TSPAN15: variants seen among roughly 807,000 people sequenced by gnomAD.
The protein encoded by TSPAN15 is tetraspanin 15, also known as tetraspanin-15.
Under a neutral mutation model 34.5 loss-of-function variants are expected in TSPAN15, and 20 were observed. The observed-to-expected ratio is 0.58, with a 90% CI of 0.41 to 0.84. The LOEUF is 0.84. Ranked by LOEUF, TSPAN15 falls within the 40% of genes least tolerant of loss-of-function variation. The pLI, the probability that TSPAN15 is intolerant of heterozygous loss-of-function variation, is 0.00. For synonymous variants in TSPAN15, 155 were observed against 153.9 expected, an observed-to-expected ratio of 1.01 and a Z score of -0.05; for missense variants, 313 against 386.1, an observed-to-expected ratio of 0.81 and a Z score of 1.59.
chr10:69,470,777 T>C (rs1232565491), intron 1 of TSPAN15, among the ~76,000 whole-genome samples: 1 of 152,176 alleles, frequency 6.6e-6, no homozygotes, highest in Non-Finnish European at 1.5e-5. Flanking sequence ...CTGCAAACTT[T>C]CAGTGCCTCC....
At chr10:69,539,490 GAAGAAGA>G in the TSPAN15 span, among the ~76,000 whole-genome samples, 1 of 60,746 alleles carries the variant, frequency 1.6e-5, no homozygotes, top group South Asian at 5.4e-4. Flanking sequence ...AGGAGAAGAA[GAAGAAGA>G]AGAAGAAGAA....
At chr10:69,459,559 A>G (rs549397214) in intron 1 of TSPAN15, among the ~76,000 whole-genome samples, 1 of 152,112 alleles carries the variant, frequency 6.6e-6, no homozygotes, top group South Asian at 2.1e-4. Context: ...AGAGAGAGCC[A>G]TGAGTTCAAA....
Position 69,451,544 on chromosome 10 carries a change from C to G in TSPAN15, c.-51C>G. 2 of 1,337,618 alleles carry G rather than the reference C, an allele frequency of 1.5e-6. No individual in the cohort carries two copies. The highest frequency in any genetic ancestry group is 9.6e-7 in the Non-Finnish European group (1 of 1,042,352). The allele number at this position is 1,337,618 out of a possible 1,614,324, so 82.9% of individuals were successfully genotyped here. A position where few individuals can be genotyped will look rare whatever the true frequency, so the allele number is the denominator to read the frequency against. On this transcript the variant is annotated 5_prime_UTR_variant, in exon 1 of 8. Coordinates refer to ENST00000373290, the MANE Select transcript of TSPAN15 (RefSeq NM_012339.5). ...GGGGCCACGAGCGCTGGCTGAGGGA[C>G]CGAGCCGGAGAGCCCCGGAGCCCCC...
the TSPAN15 span, among the ~76,000 whole-genome samples, chr10:69,546,315 T>G: frequency 0.024 from 3,620 of 152,282 alleles, 143 homozygotes; most frequent in African/African-American, 0.083. Flanking sequence ...TTGGCAGTGT[T>G]GACCCTACCC....
chr10:69,477,832 A>C (rs1841648834), intron 1 of TSPAN15, among the ~76,000 whole-genome samples: 1 of 152,112 alleles, frequency 6.6e-6, no homozygotes, highest in Admixed American at 6.5e-5. Context: ...TGTGCTGCTT[A>C]GTCTCTTTGA....
the TSPAN15 span, among the ~76,000 whole-genome samples, chr10:69,549,231 G>A: frequency 7.9e-3 from 1,210 of 152,260 alleles, 16 homozygotes; most frequent in African/African-American, 0.027. Flanking sequence ...GTTCTGGGAA[G>A]GCCTGTAAGA....
chr10:69,528,215 G>A, the TSPAN15 span, among the ~76,000 whole-genome samples: 35 of 148,450 alleles, frequency 2.4e-4, 2 homozygotes, highest in Non-Finnish European at 3.7e-4. Flanking sequence ...TTTCTGTGAC[G>A]CTGTGGCTGG....
the TSPAN15 span, among the ~76,000 whole-genome samples, chr10:69,545,063 G>GC: frequency 6.6e-6 from 1 of 152,176 alleles, no homozygotes; most frequent in Non-Finnish European, 1.5e-5. Context: ...CTTCCTCAAT[G>GC]CCCTCTCCAA....
At chr10:69,468,404 T>TG (rs1841435099) in intron 1 of TSPAN15, among the ~76,000 whole-genome samples, 1 of 152,008 alleles carries the variant, frequency 6.6e-6, no homozygotes, top group Non-Finnish European at 1.5e-5. Flanking sequence ...TGGGGTAGGC[T>TG]GGGGTAGGGC....
At chr10:69,478,873 A>G (rs1841671983) in intron 1 of TSPAN15, among the ~76,000 whole-genome samples, 1 of 152,250 alleles carries the variant, frequency 6.6e-6, no homozygotes, top group Admixed American at 6.5e-5. Flanking sequence ...ACATTTTAAG[A>G]TATTCAGAAT....
the TSPAN15 span, among the ~76,000 whole-genome samples, chr10:69,541,470 A>C: frequency 6.6e-6 from 1 of 152,226 alleles, no homozygotes; most frequent in Non-Finnish European, 1.5e-5. Flanking sequence ...CCGAAATCCC[A>C]TAGACTTGGG....
intron 1 of TSPAN15, among the ~76,000 whole-genome samples, chr10:69,457,309 G>T (rs59145567): frequency 0.09 from 13,680 of 152,248 alleles, 689 homozygotes; most frequent in Non-Finnish European, 0.12. Flanking sequence ...TACCTACAAG[G>T]CGAGGATCCA....
At chr10:69,497,313 C>T (rs943076079) in intron 4 of TSPAN15, among the ~76,000 whole-genome samples, 1 of 152,218 alleles carries the variant, frequency 6.6e-6, no homozygotes, top group Non-Finnish European at 1.5e-5. Context: ...CTCCCTGCTT[C>T]AGCTGGCTGG....
At chr10:69,547,794 C>T in the TSPAN15 span, among the ~76,000 whole-genome samples, 5 of 152,182 alleles carry the variant, frequency 3.3e-5, no homozygotes, top group South Asian at 2.1e-4. Context: ...CCTCCTCAGG[C>T]CTTCTACCCT....
At chr10:69,457,186 A>G (rs1841130508) in intron 1 of TSPAN15, among the ~76,000 whole-genome samples, 1 of 152,186 alleles carries the variant, frequency 6.6e-6, no homozygotes, top group Admixed American at 6.5e-5. Context: ...GGGCTCCCAG[A>G]GGTCAGGATT....
intron 1 of TSPAN15, among the ~76,000 whole-genome samples, chr10:69,472,258 C>T (rs1282602699): frequency 6.6e-6 from 1 of 152,192 alleles, no homozygotes; most frequent in African/African-American, 2.4e-5. Flanking sequence ...GTGGTACCTT[C>T]ATGGGCATCT....
chr10:69,512,195 G>C (rs1428833489), downstream of TSPAN15, among the ~76,000 whole-genome samples: 1 of 152,168 alleles, frequency 6.6e-6, no homozygotes, highest in Admixed American at 6.5e-5. Flanking sequence ...GCCAATGAAT[G>C]ACATTATCTT....
At chr10:69,516,531 T>G in the TSPAN15 span, among the ~76,000 whole-genome samples, 1 of 152,120 alleles carries the variant, frequency 6.6e-6, no homozygotes, top group Non-Finnish European at 1.5e-5. Flanking sequence ...GATGCCAGAA[T>G]GAGAAGTGGG....
chr10:69,518,330 G>A, the TSPAN15 span, among the ~76,000 whole-genome samples: 3 of 152,210 alleles, frequency 2.0e-5, no homozygotes, highest in East Asian at 1.9e-4. Context: ...TGTCTCACCC[G>A]AGTGCCTGCC....
Sources: allele counts gnomAD v4.1 joint callset (sites outside exome capture counted in the v4.1 genomes callset), GRCh38; gene constraint gnomAD v4.1.1; transcripts MANE v1.5; gene names NCBI Gene and HGNC (gene_info 2026-07-23, HGNC 2026-07-21).